Variants in GLMN observed in about 807,000 individuals in gnomAD.
GLMN encodes glomulin.
Under a neutral mutation model 87.8 loss-of-function variants are expected in GLMN, and 75 were observed. That is an observed-to-expected ratio of 0.85 (90% CI 0.71 to 1.04). The LOEUF (loss-of-function observed/expected upper bound fraction) is 1.04. GLMN is among the 50% of genes least tolerant of loss of function. The pLI is 0.00. For missense variants in GLMN, 588 were observed against 658.8 expected (o/e 0.89, Z 1.18); for synonymous variants, 206 against 221.6 (o/e 0.93, Z 0.63).
At chr1:92,250,200 TTAAAAAA>T (rs1653278677) in intron 16 of GLMN, among the ~76,000 whole-genome samples, 1 of 152,098 alleles carries the variant, frequency 6.6e-6, no homozygotes, top group Non-Finnish European at 1.5e-5. Context: ...ATATTTACTT[TTAAAAAA>T]TAAATACTAG....
intron 16 of GLMN, among the ~76,000 whole-genome samples, chr1:92,261,831 A>AGACAGAGGGTGGAGTGATG (rs1553136981): frequency 6.6e-6 from 1 of 151,890 alleles, no homozygotes; most frequent in Non-Finnish European, 1.5e-5. Flanking sequence ...ACGGAGTGAT[A>AGACAGAGGGTGGAGTGATG]GACAGAGGGT....
intron 3 of GLMN, among the ~76,000 whole-genome samples, chr1:92,295,110 G>A (rs1649880225): frequency 6.6e-6 from 1 of 152,202 alleles, no homozygotes; most frequent in African/African-American, 2.4e-5. Context: ...TAGCTATTCA[G>A]AAGCATGCTA....
At chr1:92,266,807 A>T (rs1220865564) in intron 11 of GLMN, 66 bp from the exon 12 acceptor site, 3 of 954,956 alleles carry the variant, frequency 3.1e-6, no homozygotes, top group Non-Finnish European at 5.1e-6. Flanking sequence ...AAACAACTAT[A>T]ATACATCAAT....
chr1:92,368,305 G>A, the GLMN span, among the ~76,000 whole-genome samples: 1 of 152,172 alleles, frequency 6.6e-6, no homozygotes, highest in Non-Finnish European at 1.5e-5. Flanking sequence ...CCTGAACCCA[G>A]GAGGCAGAAG....
chr1:92,276,431 G>A (rs1647302374), intron 7 of GLMN, among the ~76,000 whole-genome samples: 1 of 152,066 alleles, frequency 6.6e-6, no homozygotes, highest in African/African-American at 2.4e-5. Flanking sequence ...GAGGCCAAAG[G>A]CAGCCAGATC....
the GLMN span, chr1:92,345,703 T>C: frequency 1.7e-6 from 1 of 581,888 alleles, no homozygotes; most frequent in Non-Finnish European, 3.0e-6. Context: ...ATTATACTAT[T>C]GACTCTTTCC....
chr1:92,246,566 T>A lies in GLMN; in HGVS notation c.1749A>T (p.Thr583=), dbSNP rs1045909593. Residue 583 remains threonine, a synonymous_variant, in exon 19 of 19, where the codon ACA becomes ACT. Coordinates refer to ENST00000370360, the MANE Select transcript of GLMN (RefSeq NM_053274.3). Reference sequence around the variant, plus strand: ...CAATATTTTCTTCAGAGGTAGACTTTGTTTTTATTTCAATGAGTTCTTCCA... The same window carrying A: ...CAATATTTTCTTCAGAGGTAGACTTAGTTTTTATTTCAATGAGTTCTTCCA... ...ARVEELIEIK[T]KSTSEENIGI... 16 of 1,555,086 alleles carry A rather than the reference T, an allele frequency of 1.0e-5. No homozygotes were observed. In the African/African-American group the frequency reaches 2.2e-4, roughly 21 times the overall value.
the GLMN span, among the ~76,000 whole-genome samples, chr1:92,305,573 C>T: frequency 2.7e-5 from 4 of 149,586 alleles, no homozygotes; most frequent in African/African-American, 9.9e-5. Flanking sequence ...TTTTGTTCAT[C>T]AGAAGTTTCA....
At chr1:92,353,771 T>C in the GLMN span, among the ~76,000 whole-genome samples, 1 of 152,222 alleles carries the variant, frequency 6.6e-6, no homozygotes, top group Non-Finnish European at 1.5e-5. Flanking sequence ...CCCATACTTA[T>C]TGCTGAGAGT....
chr1:92,292,716 C>A (rs1649556119), intron 3 of GLMN, among the ~76,000 whole-genome samples: 1 of 146,966 alleles, frequency 6.8e-6, no homozygotes, highest in Non-Finnish European at 1.5e-5. Flanking sequence ...AGCCACCGCA[C>A]CCCGTCTTTT....
At chr1:92,277,308 TA>T (rs780358692) in intron 7 of GLMN, among the ~76,000 whole-genome samples, 6 of 152,242 alleles carry the variant, frequency 3.9e-5, no homozygotes, top group Non-Finnish European at 8.8e-5. Context: ...TGATGAATCC[TA>T]AACACAGTTT....
intron 15 of GLMN, 62 bp from the exon 16 acceptor site, chr1:92,262,988 T>G (rs1655216432): frequency 8.4e-6 from 6 of 717,416 alleles, no homozygotes; most frequent in South Asian, 7.5e-5. Flanking sequence ...GCAATCTCAA[T>G]AAGCTAAAAC....
the GLMN span, among the ~76,000 whole-genome samples, chr1:92,332,635 A>T: frequency 6.6e-6 from 1 of 152,134 alleles, no homozygotes. Flanking sequence ...GATGATTTCA[A>T]GGTGGGATTC....
chr1:92,316,805 T>C, the GLMN span, among the ~76,000 whole-genome samples: 63 of 152,320 alleles, frequency 4.1e-4, no homozygotes, highest in East Asian at 0.012. Context: ...AACTTGGTGC[T>C]TCATTCTTTC....
the GLMN span, among the ~76,000 whole-genome samples, chr1:92,329,294 T>C: frequency 1.3e-5 from 2 of 152,148 alleles, no homozygotes; most frequent in Non-Finnish European, 2.9e-5. Context: ...CATTGTGTGA[T>C]TCCCAGGCCA....
At chr1:92,328,702 T>C in the GLMN span, among the ~76,000 whole-genome samples, 3 of 152,202 alleles carry the variant, frequency 2.0e-5, no homozygotes, top group East Asian at 1.9e-4. Flanking sequence ...GTATGATGTT[T>C]TGGGTTGTTA....
the GLMN span, among the ~76,000 whole-genome samples, chr1:92,360,914 T>G: frequency 1.3e-5 from 2 of 152,112 alleles, no homozygotes. Flanking sequence ...AGAATTAATT[T>G]AGGCATTTCT....
At chr1:92,322,545 A>G in the GLMN span, among the ~76,000 whole-genome samples, 1 of 151,832 alleles carries the variant, frequency 6.6e-6, no homozygotes, top group South Asian at 2.1e-4. Flanking sequence ...CTCCATCTCA[A>G]ATGAATAAAA....
the GLMN span, among the ~76,000 whole-genome samples, chr1:92,355,916 C>T: frequency 6.6e-6 from 1 of 152,128 alleles, no homozygotes; most frequent in East Asian, 1.9e-4. Context: ...AACTATATTG[C>T]TCTTCATATC....
Sources: gnomAD v4.1 joint callset for allele counts (sites outside exome capture counted in the v4.1 genomes callset) on GRCh38, gnomAD v4.1.1 for gene constraint, MANE v1.5 for transcripts, NCBI Gene and HGNC (gene_info 2026-07-23, HGNC 2026-07-21) for gene names.